GSE1: variants seen among roughly 807,000 people sequenced by gnomAD.
The protein encoded by GSE1 is Gse1 coiled-coil protein, also known as genetic suppressor element 1.
A neutral mutation model predicts 112.6 loss-of-function variants in GSE1; 32 were observed. The observed-to-expected ratio is 0.28, with a 90% confidence interval of 0.21 to 0.38. The LOEUF is 0.38. Ranked by LOEUF, GSE1 falls within the 10% of genes least tolerant of loss-of-function variation. GSE1 has a pLI of 1.00. For missense variants in GSE1, 2,348 were observed against 1,699.2 expected (o/e 1.38, Z -6.71); for synonymous variants, 1,115 against 735.6 (o/e 1.52, Z -8.35).
chr16:85,467,357 A>C (rs551573602), intron 2 of GSE1, among the ~76,000 whole-genome samples: 4 of 152,342 alleles, frequency 2.6e-5, no homozygotes, highest in African/African-American at 7.2e-5. Context: ...CCAGCCAGCT[A>C]TTGCTATGTA....
intron 2 of GSE1, among the ~76,000 whole-genome samples, chr16:85,423,472 G>A (rs1259834109): frequency 1.3e-5 from 2 of 152,238 alleles, no homozygotes; most frequent in Admixed American, 1.3e-4. Context: ...TGGGGTGGCA[G>A]GGTTTGGCTT....
chr16:85,191,760 C>T (rs183354191), intron 1 of GSE1, among the ~76,000 whole-genome samples: 2 of 152,264 alleles, frequency 1.3e-5, no homozygotes, highest in African/African-American at 4.8e-5. Flanking sequence ...GTAAACGCCC[C>T]GGGTGAGAAG....
intron 1 of GSE1, among the ~76,000 whole-genome samples, chr16:85,301,985 C>G (rs1483624547): frequency 6.6e-6 from 1 of 152,240 alleles, no homozygotes; most frequent in Non-Finnish European, 1.5e-5. Flanking sequence ...CCTCATGGGG[C>G]ACAGCGCTGG....
chr16:85,569,335 T>C (rs992716491), intron 1 of GSE1, among the ~76,000 whole-genome samples: 1 of 152,202 alleles, frequency 6.6e-6, no homozygotes, highest in Non-Finnish European at 1.5e-5. Flanking sequence ...CCACTGTAGC[T>C]CTTTATTTAG....
At chr16:85,652,974 C>T (rs73253215) in intron 3 of GSE1, among the ~76,000 whole-genome samples, 6,248 of 151,634 alleles carry the variant, frequency 0.041, 442 homozygotes, top group African/African-American at 0.14. Flanking sequence ...GCCGGGTTCC[C>T]GTGGCTCTGC....
chr16:85,601,680 A>G (rs933914877), intron 1 of GSE1, among the ~76,000 whole-genome samples: 13 of 152,194 alleles, frequency 8.5e-5, no homozygotes, highest in African/African-American at 3.1e-4. Context: ...CTTTTTGATT[A>G]TTTTAATTTT....
At chr16:85,489,085 G>A (rs1207506999) in intron 2 of GSE1, among the ~76,000 whole-genome samples, 1 of 152,186 alleles carries the variant, frequency 6.6e-6, no homozygotes, top group African/African-American at 2.4e-5. Flanking sequence ...ATCCATGTCT[G>A]CAGCGTCCCG....
At chr16:85,447,381 C>T (rs1486428797) in intron 2 of GSE1, among the ~76,000 whole-genome samples, 1 of 152,200 alleles carries the variant, frequency 6.6e-6, no homozygotes, top group African/African-American at 2.4e-5. Flanking sequence ...GGGTTCAAGT[C>T]CCAGATTCAC....
chr16:85,664,975 AT>A, intron 11 of GSE1, 39 bp from the exon 12 acceptor site: 1 of 1,281,364 alleles, frequency 7.8e-7, no homozygotes, highest in South Asian at 1.2e-5. Flanking sequence ...CCAAAAAATG[AT>A]GCAACTGGCT....
At chr16:85,479,534 C>T (rs912813260) in intron 2 of GSE1, among the ~76,000 whole-genome samples, 1 of 152,124 alleles carries the variant, frequency 6.6e-6, no homozygotes, top group Non-Finnish European at 1.5e-5. Flanking sequence ...AAGCTCCTGA[C>T]TTCAGGTGAT....
chr16:85,567,416 G>A (rs2045804519), intron 1 of GSE1, among the ~76,000 whole-genome samples: 1 of 152,338 alleles, frequency 6.6e-6, no homozygotes, highest in Admixed American at 6.5e-5. Flanking sequence ...GTGATTTGCT[G>A]TGCAGAGTCC....
At chr16:85,499,140 T>C (rs1330807296) in intron 2 of GSE1, among the ~76,000 whole-genome samples, 1 of 151,884 alleles carries the variant, frequency 6.6e-6, no homozygotes, top group Non-Finnish European at 1.5e-5. Flanking sequence ...TGAGTATGAG[T>C]AGGACTCTAG....
At chr16:85,627,860 C>A (rs1414387376) in intron 1 of GSE1, among the ~76,000 whole-genome samples, 1 of 152,224 alleles carries the variant, frequency 6.6e-6, no homozygotes, top group Non-Finnish European at 1.5e-5. Context: ...CCAGGGCCTC[C>A]CTCTCCCCGC....
At chr16:85,374,525 C>CAT (rs2047375455) in intron 2 of GSE1, among the ~76,000 whole-genome samples, 9 of 142,378 alleles carry the variant, frequency 6.3e-5, no homozygotes, top group Non-Finnish European at 1.1e-4. Context: ...TCAGTGTGTG[C>CAT]GTGTGTGTGT....
chr16:85,576,023 G>C (rs1274278468), intron 1 of GSE1, among the ~76,000 whole-genome samples: 1 of 151,948 alleles, frequency 6.6e-6, no homozygotes, highest in Admixed American at 6.6e-5. Context: ...ACCTGGAAGA[G>C]GTTTCTTATC....
At chr16:85,294,295 T>C (rs1359938520) in intron 1 of GSE1, among the ~76,000 whole-genome samples, 2 of 152,212 alleles carry the variant, frequency 1.3e-5, no homozygotes, top group Non-Finnish European at 2.9e-5. Context: ...TTTTGCCTGT[T>C]GGTAAACCCT....
chr16:85,560,205 G>A (rs528487077), intron 1 of GSE1, among the ~76,000 whole-genome samples: 7 of 140,836 alleles, frequency 5.0e-5, no homozygotes, highest in South Asian at 2.2e-4. Context: ...GCGAGATTTC[G>A]GCTCACTGCA....
At chr16:85,418,013 A>G (rs1399742114) in intron 2 of GSE1, among the ~76,000 whole-genome samples, 3 of 151,918 alleles carry the variant, frequency 2.0e-5, no homozygotes, top group African/African-American at 4.8e-5. Flanking sequence ...TAATTTTTGT[A>G]TTTTTAGTAG....
At chr16:85,182,424 G>A (rs953496540) in intron 1 of GSE1, among the ~76,000 whole-genome samples, 1 of 152,216 alleles carries the variant, frequency 6.6e-6, no homozygotes, top group Non-Finnish European at 1.5e-5. Context: ...CCCAGACAAG[G>A]TGTCACTCCC....
Sources: allele counts gnomAD v4.1 joint callset (sites outside exome capture counted in the v4.1 genomes callset), GRCh38; gene constraint gnomAD v4.1.1; transcripts MANE v1.5; gene names NCBI Gene and HGNC (gene_info 2026-07-23, HGNC 2026-07-21).